Variants in NEK5 observed in about 807,000 individuals in gnomAD.
NEK5 encodes serine/threonine-protein kinase Nek5.
A neutral mutation model predicts 109.2 loss-of-function variants in NEK5; 88 were observed. That is an observed-to-expected ratio of 0.81 (90% CI 0.68 to 0.96). NEK5 has a LOEUF of 0.96. Among genes scored for constraint, NEK5 ranks in the 40% least tolerant of loss-of-function variants. The pLI is 0.00. For missense variants in NEK5, 834 were observed against 920.7 expected (o/e 0.91, Z 1.22); for synonymous variants, 283 against 299.9 (o/e 0.94, Z 0.58).
At chr13:52,062,294 C>T (rs1954619831) in intron 21 of NEK5, among the ~76,000 whole-genome samples, 1 of 152,120 alleles carries the variant, frequency 6.6e-6, no homozygotes, top group Non-Finnish European at 1.5e-5. Flanking sequence ...ACTTACAGCA[C>T]ATGTACAAAT....
At chr13:52,090,974 C>G (rs1252486106) in intron 13 of NEK5, among the ~76,000 whole-genome samples, 1 of 151,632 alleles carries the variant, frequency 6.6e-6, no homozygotes, top group African/African-American at 2.4e-5. Context: ...TGCAGTGAGC[C>G]AAGATCGCGT....
chr13:52,098,475 T>C (rs1321932238), intron 12 of NEK5, among the ~76,000 whole-genome samples: 1 of 152,220 alleles, frequency 6.6e-6, no homozygotes, highest in East Asian at 1.9e-4. Flanking sequence ...ATTCTTTAAT[T>C]AAAAGACAGT....
chr13:52,033,972 C>T lies in NEK5; in HGVS notation c.*2976G>A, dbSNP rs1216596888. On this transcript the variant is annotated 3_prime_UTR_variant, in exon 24 of 24. Transcript: ENST00000684899. ...GCTGCTCCTCTGCTAACTCATTTTCCTCTTTTCCCACTCTAAATGTAAGGC... is the reference window on the plus strand; with the variant it reads ...GCTGCTCCTCTGCTAACTCATTTTCTTCTTTTCCCACTCTAAATGTAAGGC... 6.6e-6 allele frequency: 1 copy of T among 152,228 alleles called. No homozygotes were observed. The highest frequency in any genetic ancestry group is 2.4e-5 in the African/African-American group (1 of 41,434). 9.4% of individuals were successfully genotyped at this position (152,228 alleles called of 1,614,324 possible).
chr13:52,081,453 C>T (rs1239203123), intron 17 of NEK5, among the ~76,000 whole-genome samples: 1 of 152,146 alleles, frequency 6.6e-6, no homozygotes. Context: ...TCCTAAATAG[C>T]TGGAACTATA....
chr13:52,046,070 C>CAA (rs1216006961), intron 23 of NEK5, among the ~76,000 whole-genome samples: 9 of 57,306 alleles, frequency 1.6e-4, no homozygotes, highest in Non-Finnish European at 2.2e-4. Flanking sequence ...GACTCCATCT[C>CAA]AAAAAAAAAA....
chr13:52,101,838 C>A, intron 11 of NEK5, 95 bp downstream of exon 11: 1 of 1,019,742 alleles, frequency 9.8e-7, no homozygotes, highest in South Asian at 1.3e-5. Context: ...TTAAAATGTC[C>A]ACTTTCAATA....
chr13:52,102,854 C>T (rs1955569430), intron 9 of NEK5, among the ~76,000 whole-genome samples: 1 of 151,890 alleles, frequency 6.6e-6, no homozygotes, highest in African/African-American at 2.4e-5. Flanking sequence ...AATGTTTACT[C>T]ATAATAAAAA....
chr13:52,065,335 G>A (rs2137762252), intron 21 of NEK5, 149 bp downstream of exon 21: 2 of 1,063,776 alleles, frequency 1.9e-6, no homozygotes, highest in South Asian at 1.3e-5. Flanking sequence ...TTAGGCATAG[G>A]GAGATATCAA....
intron 23 of NEK5, among the ~76,000 whole-genome samples, chr13:52,045,129 T>TG (rs1954445127): frequency 8.9e-6 from 1 of 111,994 alleles, no homozygotes; most frequent in South Asian, 2.7e-4. Context: ...GAATAAAAAA[T>TG]CTTTTTTTTT....
chr13:52,053,419 T>A (rs1235243732), intron 22 of NEK5, among the ~76,000 whole-genome samples: 1 of 152,220 alleles, frequency 6.6e-6, no homozygotes, highest in Non-Finnish European at 1.5e-5. Flanking sequence ...GTGTATGTGA[T>A]TTTGTAACTG....
chr13:52,079,341 T>C (rs1310362721), intron 17 of NEK5, among the ~76,000 whole-genome samples: 1 of 132,560 alleles, frequency 7.5e-6, no homozygotes, highest in Non-Finnish European at 1.5e-5. Context: ...GGTCTCCCTC[T>C]GATGCCGAGC....
At chr13:52,042,745 G>T in intron 23 of NEK5, among the ~76,000 whole-genome samples, 1 of 152,170 alleles carries the variant, frequency 6.6e-6, no homozygotes, top group Non-Finnish European at 1.5e-5. Context: ...AGATCAATTT[G>T]TAGGTAGTGT....
At chr13:52,072,119 G>C in intron 19 of NEK5, 49 bp from the exon 20 acceptor site, 1 of 1,506,382 alleles carries the variant, frequency 6.6e-7, no homozygotes, top group Non-Finnish European at 9.1e-7. Flanking sequence ...TATTTTGAAA[G>C]AAAGAAAAAC....
intron 12 of NEK5, 98 bp from the exon 13 acceptor site, chr13:52,093,333 G>T (rs890026852): frequency 9.8e-6 from 8 of 812,336 alleles, no homozygotes; most frequent in East Asian, 2.5e-5. Flanking sequence ...GCTGAGGCGG[G>T]TGGATCACCT....
At chr13:52,123,286 C>T (rs942497102) in intron 3 of NEK5, among the ~76,000 whole-genome samples, 1 of 151,942 alleles carries the variant, frequency 6.6e-6, no homozygotes, top group Non-Finnish European at 1.5e-5. Flanking sequence ...ATAATGAGGT[C>T]TAATATAAGA....
chr13:52,073,037 T>G (rs1419359839), intron 19 of NEK5, among the ~76,000 whole-genome samples: 1 of 152,208 alleles, frequency 6.6e-6, no homozygotes, highest in Non-Finnish European at 1.5e-5. Context: ...TGAGATTTAC[T>G]TAAAGTTATC....
chr13:52,117,739 T>G (rs957064343), intron 4 of NEK5, among the ~76,000 whole-genome samples: 1 of 152,116 alleles, frequency 6.6e-6, no homozygotes, highest in African/African-American at 2.4e-5. Flanking sequence ...GGGCGACAAA[T>G]ATGAAACAAA....
rs1327699318 is a variant in NEK5 at position 52,129,054 on chromosome 13, A to G, written c.-116T>C. On this transcript the variant is annotated 5_prime_UTR_variant, in exon 1 of 24. Coordinates refer to ENST00000684899, the MANE Select transcript of NEK5 (RefSeq NM_001365552.1). ...CTGCTCCGCCGGCTCCGCGGGGCCA[A>G]CGAAGCGTCCCGGAAGGATCCGGGT... The G allele has an allele frequency of 6.6e-6, 1 of 152,254 alleles. No homozygotes were observed. The highest frequency in any genetic ancestry group is 2.4e-5 in the African/African-American group (1 of 41,476). The allele number at this position is 152,254 out of a possible 1,614,324, so 9.4% of individuals were successfully genotyped here.
intron 14 of NEK5, among the ~76,000 whole-genome samples, chr13:52,088,397 GGT>G (rs1566779389): frequency 6.6e-6 from 1 of 151,920 alleles, no homozygotes; most frequent in East Asian, 1.9e-4. Context: ...TGGGATTACA[GGT>G]GTGCACCATC....
Sources: gnomAD v4.1 joint callset for allele counts (sites outside exome capture counted in the v4.1 genomes callset) on GRCh38, gnomAD v4.1.1 for gene constraint, MANE v1.5 for transcripts, NCBI Gene and HGNC (gene_info 2026-07-23, HGNC 2026-07-21) for gene names.